NPHP4: variants seen among roughly 807,000 people sequenced by gnomAD.
NPHP4 encodes nephrocystin 4, also known as nephrocystin-4.
In NPHP4, 151 loss-of-function variants were observed where a neutral mutation model predicts 155.8. That is an observed-to-expected ratio of 0.97 (90% CI 0.85 to 1.11). The LOEUF (loss-of-function observed/expected upper bound fraction) is 1.11, where lower values mean the gene tolerates loss of function less well. Ranked by LOEUF, NPHP4 falls within the 50% of genes least tolerant of loss-of-function variation. The probability of loss-of-function intolerance (pLI) is 0.00; values close to 1 mark genes in which losing one functional copy is unlikely to be tolerated. For synonymous variants in NPHP4, 845 were observed against 816.8 expected (o/e 1.03, Z -0.59); for missense variants, 1,956 against 1,925.7 (o/e 1.02, Z -0.29).
At chr1:5,938,911 G>C (rs969752705) in intron 9 of NPHP4, among the ~76,000 whole-genome samples, 10 of 152,146 alleles carry the variant, frequency 6.6e-5, no homozygotes, top group African/African-American at 2.2e-4. Flanking sequence ...ACCACGCATA[G>C]GAATGTTACA....
intron 23 of NPHP4, among the ~76,000 whole-genome samples, chr1:5,871,836 G>A (rs1386217538): frequency 6.6e-6 from 1 of 152,190 alleles, no homozygotes; most frequent in African/African-American, 2.4e-5. Context: ...AGACGATGCC[G>A]AGGTCTGCGT....
chr1:5,989,864 T>A (rs1446640555), intron 1 of NPHP4, among the ~76,000 whole-genome samples: 1 of 152,144 alleles, frequency 6.6e-6, no homozygotes, highest in East Asian at 1.9e-4. Flanking sequence ...ACAGGGAGCA[T>A]GAAGCATGCC....
At chr1:5,898,871 C>T (rs1644529014) in intron 16 of NPHP4, among the ~76,000 whole-genome samples, 2 of 151,908 alleles carry the variant, frequency 1.3e-5, no homozygotes, top group South Asian at 2.1e-4. Flanking sequence ...AGACAACACA[C>T]TAGAAAATGG....
chr1:5,987,080 C>T (rs1237410837), intron 1 of NPHP4, among the ~76,000 whole-genome samples: 1 of 151,964 alleles, frequency 6.6e-6, no homozygotes, highest in Non-Finnish European at 1.5e-5. Flanking sequence ...TTATTAGAGA[C>T]CTCAGTTGGT....
intron 16 of NPHP4, among the ~76,000 whole-genome samples, chr1:5,899,000 G>C (rs890311785): frequency 2.6e-5 from 4 of 152,184 alleles, no homozygotes; most frequent in Admixed American, 2.6e-4. Context: ...CATCAGGATG[G>C]TTCAAAGAAA....
chr1:5,864,406 C>T lies in NPHP4; in HGVS notation c.3928G>A (p.Val1310Met), dbSNP rs1465549509. Residue 1310 changes from valine to methionine, a missense_variant, in exon 28 of 30, where the codon GTG becomes ATG. By Grantham distance (21) the Val-to-Met change is conservative. Coordinates refer to ENST00000378156, the MANE Select transcript of NPHP4 (RefSeq NM_015102.5). ...SRFVHLNLVD[V>M]DCHQLVASWL... ...GAGGCCACCAGCTGGTGGCAATCCA[C>T]GTCCACCAGGTTGAGATGGACAAAG... 9.9e-6 allele frequency: 16 copies of T among 1,611,574 alleles called. No homozygotes were observed. The highest frequency in any genetic ancestry group is 1.4e-5 in the Non-Finnish European group (16 of 1,179,118).
intron 1 of NPHP4, 69 bp from the exon 2 acceptor site, chr1:5,986,396 C>A: frequency 1.6e-6 from 2 of 1,261,694 alleles, no homozygotes; most frequent in Non-Finnish European, 2.2e-6. Flanking sequence ...ATCCTGAAGG[C>A]TTCTGCCTCC....
chr1:5,895,614 A>T (rs1048667881), intron 16 of NPHP4, among the ~76,000 whole-genome samples: 2 of 152,190 alleles, frequency 1.3e-5, no homozygotes, highest in Admixed American at 1.3e-4. Context: ...GCAGGAGGAA[A>T]CCAGCAGCCC....
At chr1:5,967,966 G>A (rs780562229) in intron 4 of NPHP4, among the ~76,000 whole-genome samples, 4 of 151,956 alleles carry the variant, frequency 2.6e-5, no homozygotes, top group African/African-American at 4.8e-5. Flanking sequence ...AGGATGATGC[G>A]CCAGCCTATC....
chr1:5,887,575 G>C (rs775241587), intron 17 of NPHP4, 109 bp from the exon 18 acceptor site: 2 of 1,201,772 alleles, frequency 1.7e-6, no homozygotes, highest in African/African-American at 3.0e-5. Flanking sequence ...CACTGTGGGC[G>C]GGAGGGGGTG....
chr1:5,982,051 T>C (rs1654791654), intron 2 of NPHP4, among the ~76,000 whole-genome samples: 1 of 152,228 alleles, frequency 6.6e-6, no homozygotes. Context: ...TTTTAACCTC[T>C]GTAGCGTACG....
intron 3 of NPHP4, among the ~76,000 whole-genome samples, chr1:5,977,180 G>A (rs1653758232): frequency 6.6e-6 from 1 of 152,102 alleles, no homozygotes. Flanking sequence ...AGGCCTCCAT[G>A]ACATCGCCGG....
At chr1:5,989,243 A>G (rs953199710) in intron 1 of NPHP4, among the ~76,000 whole-genome samples, 4 of 152,086 alleles carry the variant, frequency 2.6e-5, no homozygotes, top group African/African-American at 9.7e-5. Flanking sequence ...TGGACTTCTG[A>G]CCGGCCTAAC....
chr1:5,964,854 T>C (rs1012192425), intron 5 of NPHP4, among the ~76,000 whole-genome samples: 13 of 146,176 alleles, frequency 8.9e-5, no homozygotes, highest in African/African-American at 3.0e-4. Flanking sequence ...TATATGTATA[T>C]ATTTTATATA....
At chr1:5,956,242 T>TC (rs1484465204) in intron 6 of NPHP4, among the ~76,000 whole-genome samples, 1 of 152,192 alleles carries the variant, frequency 6.6e-6, no homozygotes, top group Non-Finnish European at 1.5e-5. Flanking sequence ...AAGTCAGTGC[T>TC]CCTGGAAGTG....
chr1:5,970,050 C>T (rs1358959644), intron 3 of NPHP4, among the ~76,000 whole-genome samples: 1 of 152,192 alleles, frequency 6.6e-6, no homozygotes, highest in African/African-American at 2.4e-5. Context: ...CTGCCTCCGC[C>T]TTCCTGCCAG....
At position 5,910,652 on chromosome 1, in the gene NPHP4, G is replaced by A. The variant is rs185150574; in HGVS notation, c.1442-1439C>T. ...TGGATAGAGACTGCTCAGCCACTTC[G>A]TGTTCCGCTCTGAATCCCAAAAAAA... On this transcript the variant is annotated intron_variant, in intron 11 of 29. Coordinates refer to ENST00000378156, the MANE Select transcript of NPHP4 (RefSeq NM_015102.5). The surrounding 1 kb of genome is among the most constrained non-coding windows in gnomAD (Gnocchi z 5.4). 7.2e-5 allele frequency among the ~76,000 whole-genome samples: 11 copies of A among 152,262 alleles called. No homozygotes were observed. The highest frequency in any genetic ancestry group is 2.6e-4 in the African/African-American group (11 of 41,540).
intron 2 of NPHP4, among the ~76,000 whole-genome samples, chr1:5,981,230 G>C (rs962989945): frequency 1.3e-5 from 2 of 152,074 alleles, no homozygotes; most frequent in African/African-American, 4.8e-5. Context: ...CAGAACCGTC[G>C]CTGGCTTGGG....
At chr1:5,864,236 A>G in intron 28 of NPHP4, 102 bp downstream of exon 28, 1 of 1,247,744 alleles carries the variant, frequency 8.0e-7, no homozygotes. Flanking sequence ...GGGTCAGAAC[A>G]CTGTATCCAG....
Sources: allele counts gnomAD v4.1 joint callset (sites outside exome capture counted in the v4.1 genomes callset), GRCh38; gene constraint gnomAD v4.1.1; non-coding constraint Gnocchi (gnomAD v3.1); transcripts MANE v1.5; gene names NCBI Gene and HGNC (gene_info 2026-07-23, HGNC 2026-07-21).